The following TLE4 variants were observed in gnomAD, a reference collection of about 807,000 sequenced individuals.
TLE4 encodes transducin-like enhancer protein 4.
In TLE4, 8 loss-of-function variants were observed where a neutral mutation model predicts 92.8. That is an observed-to-expected ratio of 0.09 (90% CI 0.05 to 0.16). TLE4 has a LOEUF of 0.16. Ranked by LOEUF, TLE4 falls within the 10% of genes least tolerant of loss-of-function variation. The pLI, the probability that TLE4 is intolerant of heterozygous loss-of-function variation, is 1.00. For synonymous variants in TLE4, 371 were observed against 374.1 expected, an observed-to-expected ratio of 0.99 and a Z score of 0.10; for missense variants, 675 against 997.6, an observed-to-expected ratio of 0.68 and a Z score of 4.36.
intron 4 of TLE4, among the ~76,000 whole-genome samples, chr9:79,610,813 G>C (rs533043995): frequency 8.5e-5 from 13 of 152,120 alleles, no homozygotes; most frequent in African/African-American, 2.9e-4. Flanking sequence ...TATTTCACCA[G>C]ATGAATAAGT....
At chr9:79,647,331 ATTAG>A (rs562682338) in intron 6 of TLE4, among the ~76,000 whole-genome samples, 421 of 152,288 alleles carry the variant, frequency 2.8e-3, no homozygotes, top group Non-Finnish European at 4.5e-3. Flanking sequence ...GAGTTCATTA[ATTAG>A]TTCAGGGAAA....
At chr9:79,590,732 T>G (rs979916574) in intron 4 of TLE4, among the ~76,000 whole-genome samples, 2 of 152,278 alleles carry the variant, frequency 1.3e-5, no homozygotes, top group African/African-American at 4.8e-5. Context: ...GATTTACAAA[T>G]CCCACTTTCT....
intron 15 of TLE4, 45 bp downstream of exon 15, chr9:79,719,016 AC>A (rs2075105389): frequency 6.4e-7 from 1 of 1,571,392 alleles, no homozygotes. Context: ...CATTCAGAAA[AC>A]AGGAGGGGCT....
In TLE4 at chr9:79,652,781, T is replaced by A. The variant is rs2059223267; in HGVS notation, c.579T>A (p.Asn193Lys). The A allele has an allele frequency of 6.2e-7, 1 of 1,614,060 alleles. No individual in the cohort carries two copies. Among genetic ancestry groups the A allele is most frequent in the South Asian group, 1.1e-5 (1 of 91,084 alleles). Reference protein sequence around the residue: ...PIKDEKKHHDNDHQRDRDSIK... With the variant: ...PIKDEKKHHDKDHQRDRDSIK... ...AAGATGAGAAGAAGCACCATGACAA[T>A]GATCACCAAAGAGGTGAGTAACTCT... The change falls in exon 7 of 20, where the codon AAT becomes AAA. Residue 193 changes from asparagine to lysine, a missense_variant. Around this residue, in one of 5 missense-constraint regions of TLE4, gnomAD observed 280 missense variants for 287.3 expected, o/e 0.97. Transcript: ENST00000376552.
intron 4 of TLE4, among the ~76,000 whole-genome samples, chr9:79,610,400 A>T (rs2048095551): frequency 6.6e-6 from 1 of 152,112 alleles, no homozygotes; most frequent in Admixed American, 6.6e-5. Flanking sequence ...AGGCCTGTAA[A>T]TAAATGATGC....
chr9:79,621,929 T>C (rs541744786), intron 5 of TLE4, among the ~76,000 whole-genome samples: 34 of 152,360 alleles, frequency 2.2e-4, no homozygotes, highest in African/African-American at 8.2e-4. Flanking sequence ...CCTAGAATAT[T>C]GCAGCCCTCT....
intron 5 of TLE4, among the ~76,000 whole-genome samples, chr9:79,616,491 C>T (rs1342833991): frequency 6.6e-6 from 1 of 152,128 alleles, no homozygotes; most frequent in African/African-American, 2.4e-5. Context: ...CTAGAACCAG[C>T]CCTCCCTCCC....
chr9:79,601,681 C>T (rs1162678047), intron 4 of TLE4, among the ~76,000 whole-genome samples: 1 of 152,150 alleles, frequency 6.6e-6, no homozygotes, highest in Non-Finnish European at 1.5e-5. Context: ...ATGCTATTCC[C>T]CCTTCTTTCC....
intron 5 of TLE4, among the ~76,000 whole-genome samples, chr9:79,623,898 G>T (rs1056874674): frequency 6.6e-6 from 1 of 152,060 alleles, no homozygotes; most frequent in Non-Finnish European, 1.5e-5. Flanking sequence ...TTGTATCTGA[G>T]TGAGCAGCTG....
At chr9:79,708,568 T>C in intron 12 of TLE4, 25 bp from the exon 13 acceptor site, 2 of 1,595,568 alleles carry the variant, frequency 1.3e-6, no homozygotes, top group Non-Finnish European at 1.7e-6. Flanking sequence ...TTCTTCATTT[T>C]TCTTCCATCC....
Position 79,587,044 on chromosome 9 carries a change from A to T in TLE4, c.252+10867A>T, listed in dbSNP as rs554744656. On this transcript the variant is annotated intron_variant, in intron 4 of 19. Coordinates refer to ENST00000376552, the MANE Select transcript of TLE4 (RefSeq NM_007005.6). ...TGTAGTCACTCTGTTATGCTATCAAACACTATACCTTATTCATTCTGACTA... is the reference window on the plus strand; with the variant it reads ...TGTAGTCACTCTGTTATGCTATCAATCACTATACCTTATTCATTCTGACTA... 9.8e-5 allele frequency among the ~76,000 whole-genome samples: 15 copies of T among 152,340 alleles called. No homozygotes were observed. The South Asian group carries it at 3.1e-3, about 32-fold the overall frequency.
At position 79,628,719 on chromosome 9, in the gene TLE4, A is replaced by G. The variant is rs529706319; in HGVS notation, c.390+1271A>G. ...TCAGAAGAAGCCATGTAGAATCATG[A>G]ATAATGTTTGTCATACATTTTGTGT... is the stretch of plus-strand genomic sequence containing the variant. On this transcript the variant is annotated intron_variant, in intron 6 of 19. Transcript: ENST00000376552. Among the ~76,000 whole-genome samples the G allele has an allele frequency of 4.1e-4, 63 of 152,318 alleles. 1 individual carries two copies. The South Asian group carries it at 6.2e-3, about 15-fold the overall frequency.
At chr9:79,602,792 GGCTGTAGCT>G (rs1296163983) in intron 4 of TLE4, among the ~76,000 whole-genome samples, 3 of 152,130 alleles carry the variant, frequency 2.0e-5, no homozygotes, top group African/African-American at 7.2e-5. Context: ...CATTTTGTAA[GGCTGTAGCT>G]GCCATAGATA....
At chr9:79,596,140 C>T (rs887817436) in intron 4 of TLE4, among the ~76,000 whole-genome samples, 1 of 152,078 alleles carries the variant, frequency 6.6e-6, no homozygotes, top group Non-Finnish European at 1.5e-5. Context: ...GGAACCGCGC[C>T]CGGCCGTTTA....
intron 5 of TLE4, among the ~76,000 whole-genome samples, chr9:79,625,069 G>GA: frequency 1.5e-5 from 2 of 132,830 alleles, no homozygotes; most frequent in Middle Eastern, 0.01. Flanking sequence ...GCCCAGGCTG[G>GA]AGTGCAGTGG....
chr9:79,616,081 C>T (rs1266182810), intron 5 of TLE4, among the ~76,000 whole-genome samples: 1 of 152,124 alleles, frequency 6.6e-6, no homozygotes, highest in East Asian at 1.9e-4. Context: ...CTTCAAAAAG[C>T]CATCTCAAGG....
chr9:79,725,302 C>A lies in TLE4; in HGVS notation c.*158C>A. 1.8e-6 allele frequency: 1 copy of A among 553,432 alleles called. No individual in the cohort carries two copies. The highest frequency in any genetic ancestry group is 3.2e-6 in the Non-Finnish European group (1 of 309,308). 34.3% of individuals were successfully genotyped at this position (553,432 alleles called of 1,614,324 possible). On this transcript the variant is annotated 3_prime_UTR_variant, in exon 20 of 20. Transcript: ENST00000376552. ...CTTTCTTAACCTCACTTCCCACTTG[C>A]TATTGAATTGTGAATAGTCATTAAA... is the stretch of plus-strand genomic sequence containing the variant.
intron 11 of TLE4, 72 bp from the exon 12 acceptor site, chr9:79,708,046 A>T: frequency 6.8e-7 from 1 of 1,472,978 alleles, no homozygotes; most frequent in Non-Finnish European, 9.3e-7. Flanking sequence ...CCTTTTCTTT[A>T]CCTTTTTACT....
intron 8 of TLE4, among the ~76,000 whole-genome samples, chr9:79,668,519 A>G (rs1039525236): frequency 6.6e-6 from 1 of 152,204 alleles, no homozygotes; most frequent in Non-Finnish European, 1.5e-5. Context: ...TGAGAGAATC[A>G]AGGAGGTCAC....
Sources: allele counts gnomAD v4.1 joint callset (sites outside exome capture counted in the v4.1 genomes callset), GRCh38; gene constraint gnomAD v4.1.1; regional missense constraint gnomAD v4.1.1; transcripts MANE v1.5; gene names NCBI Gene and HGNC (gene_info 2026-07-23, HGNC 2026-07-21).